Variants in APBB2 observed in about 807,000 individuals in gnomAD.
APBB2 encodes Fe65-like 1.
In APBB2, 38 loss-of-function variants were observed where a neutral mutation model predicts 82.5. The observed-to-expected ratio is 0.46, with a 90% confidence interval of 0.36 to 0.60. APBB2 has a LOEUF of 0.60. APBB2 is among the 20% of genes least tolerant of loss of function. The probability of loss-of-function intolerance (pLI) is 0.00; values close to 1 mark genes in which losing one functional copy is unlikely to be tolerated. For synonymous variants in APBB2, 341 were observed against 368.2 expected, an observed-to-expected ratio of 0.93 and a Z score of 0.85; for missense variants, 772 against 972.3, an observed-to-expected ratio of 0.79 and a Z score of 2.74.
chr4:40,928,768 C>A (rs561775038), intron 10 of APBB2, among the ~76,000 whole-genome samples: 1 of 150,506 alleles, frequency 6.6e-6, no homozygotes, highest in African/African-American at 2.5e-5. Context: ...ACCTCTAATC[C>A]CAGCTACTCG....
At chr4:41,144,583 T>G (rs559709784) in intron 1 of APBB2, among the ~76,000 whole-genome samples, 6 of 152,372 alleles carry the variant, frequency 3.9e-5, no homozygotes, top group African/African-American at 7.2e-5. Flanking sequence ...TCGGTCTGCC[T>G]CTTATCTGAA....
intron 6 of APBB2, among the ~76,000 whole-genome samples, chr4:40,964,776 A>ACACACACACACACACACACAC (rs1553884405): frequency 5.2e-4 from 79 of 150,600 alleles, no homozygotes; most frequent in African/African-American, 1.8e-3. Flanking sequence ...ACACACACAC[A>ACACACACACACACACACACAC]ACAATGCACA....
intron 1 of APBB2, among the ~76,000 whole-genome samples, chr4:41,201,096 G>A (rs914754989): frequency 2.0e-5 from 3 of 152,144 alleles, no homozygotes; most frequent in African/African-American, 7.2e-5. Context: ...CACAGTGACA[G>A]TTGCCTTATA....
chr4:40,850,921 G>A (rs1442417302), intron 12 of APBB2, among the ~76,000 whole-genome samples: 1 of 152,068 alleles, frequency 6.6e-6, no homozygotes, highest in East Asian at 1.9e-4. Flanking sequence ...ACTCCAGCCT[G>A]GGTAACTGAG....
At position 40,825,908 on chromosome 4, in the gene APBB2, A is replaced by G; in HGVS notation, c.1795T>C (p.Leu599=). 1 of 1,614,132 alleles carries G rather than the reference A, an allele frequency of 6.2e-7. No individual in the cohort carries two copies. Among genetic ancestry groups the G allele is most frequent in the Non-Finnish European group, 8.5e-7 (1 of 1,179,964 alleles). The change falls in exon 15 of 18, where the codon TTA becomes CTA. Residue 599 remains leucine, a synonymous_variant. Coordinates refer to ENST00000508593, the MANE Select transcript of APBB2 (RefSeq NM_004307.2). ...ATACCGACTGGTTTGTCTACAGGTA[A>G]CATGCCCAAGTACTGCACGTGGAAC... ...QKFHVQYLGM[L]PVDKPVGMDI...
rs1342426866 is a variant in APBB2, at chr4:41,160,232, T to C, written c.-416-17090A>G. Among the ~76,000 whole-genome samples the C allele has an allele frequency of 4.6e-5, 7 of 152,020 alleles. 1 individual carries two copies. On this transcript the variant is annotated intron_variant, in intron 1 of 17. Coordinates refer to ENST00000508593, the MANE Select transcript of APBB2 (RefSeq NM_004307.2). Reference sequence around the variant, plus strand: ...GGCCTGGACAGGGAAGACAAGGGCCTGGGATCAGCAGGACTTGGAAAGGAA... The same window carrying C: ...GGCCTGGACAGGGAAGACAAGGGCCCGGGATCAGCAGGACTTGGAAAGGAA...
At chr4:41,142,558 C>A (rs1361904185) in intron 2 of APBB2, among the ~76,000 whole-genome samples, 5 of 152,154 alleles carry the variant, frequency 3.3e-5, no homozygotes, top group African/African-American at 9.7e-5. Context: ...TCTCCATGCC[C>A]CACCCTTCAA....
intron 5 of APBB2, among the ~76,000 whole-genome samples, chr4:41,016,800 C>T (rs1810094892): frequency 6.6e-6 from 1 of 151,878 alleles, no homozygotes; most frequent in African/African-American, 2.4e-5. Context: ...AGAAAAGGAC[C>T]ATCCAATACA....
At chr4:40,911,401 A>G (rs558592017) in intron 10 of APBB2, among the ~76,000 whole-genome samples, 183 of 152,326 alleles carry the variant, frequency 1.2e-3, no homozygotes, top group African/African-American at 4.4e-3. Context: ...GGTACCTGGT[A>G]AGCATACAAT....
intron 1 of APBB2, among the ~76,000 whole-genome samples, chr4:41,184,515 T>A (rs1308729595): frequency 6.6e-6 from 1 of 152,148 alleles, no homozygotes; most frequent in African/African-American, 2.4e-5. Flanking sequence ...AGCCCTTAAT[T>A]CCTTTAGACC....
intron 10 of APBB2, among the ~76,000 whole-genome samples, chr4:40,910,350 A>G (rs1560873132): frequency 6.6e-6 from 1 of 151,762 alleles, no homozygotes; most frequent in Non-Finnish European, 1.5e-5. Flanking sequence ...TGATCCTCCA[A>G]CCTCAGCCTC....
rs559449422 is a variant in APBB2 at position 40,881,779 on chromosome 4, C to A, written c.1529+8585G>T. ...AAACTCCTGGCCTCAAGTGATCCGC[C>A]TGCCTCGGCCTCCCAAAGTGCTGGG... is the stretch of plus-strand genomic sequence containing the variant. On this transcript the variant is annotated intron_variant, in intron 12 of 17. Coordinates refer to ENST00000508593, the MANE Select transcript of APBB2 (RefSeq NM_004307.2). 4.6e-5 allele frequency among the ~76,000 whole-genome samples: 7 copies of A among 152,106 alleles called. No homozygotes were observed. The East Asian group carries it at 1.4e-3, about 29-fold the overall frequency.
intron 12 of APBB2, among the ~76,000 whole-genome samples, chr4:40,887,366 C>T (rs527331962): frequency 7.2e-5 from 11 of 152,212 alleles, no homozygotes; most frequent in Non-Finnish European, 1.0e-4. Context: ...TTCTCTTATT[C>T]ATTTTAACCA....
At chr4:40,856,449 T>C (rs1409687780) in intron 12 of APBB2, among the ~76,000 whole-genome samples, 2 of 152,240 alleles carry the variant, frequency 1.3e-5, no homozygotes, top group Admixed American at 6.5e-5. Flanking sequence ...TTTGGGGAAT[T>C]TGAGATATTT....
chr4:40,912,712 G>A (rs1055473379), intron 10 of APBB2, among the ~76,000 whole-genome samples: 1 of 152,166 alleles, frequency 6.6e-6, no homozygotes, highest in Non-Finnish European at 1.5e-5. Context: ...TCTGCTGCTG[G>A]AGATGCTCAA....
intron 3 of APBB2, among the ~76,000 whole-genome samples, chr4:41,079,597 G>A (rs1736830588): frequency 6.8e-6 from 1 of 148,024 alleles, no homozygotes; most frequent in Non-Finnish European, 1.5e-5. Context: ...TCGCCAGGCT[G>A]GAGTGCAGTG....
At chr4:41,098,084 T>C (rs1033773997) in intron 3 of APBB2, among the ~76,000 whole-genome samples, 1 of 151,692 alleles carries the variant, frequency 6.6e-6, no homozygotes, top group Non-Finnish European at 1.5e-5. Flanking sequence ...TTATGTGCAG[T>C]ACACTTCTGC....
chr4:40,961,566 G>A (rs1010588074), intron 6 of APBB2, among the ~76,000 whole-genome samples: 1 of 149,228 alleles, frequency 6.7e-6, no homozygotes, highest in Non-Finnish European at 1.5e-5. Context: ...AGTGGGTGCA[G>A]CGCACCAGCG....
intron 5 of APBB2, among the ~76,000 whole-genome samples, chr4:41,031,782 A>G (rs1716927232): frequency 6.6e-6 from 1 of 152,236 alleles, no homozygotes; most frequent in South Asian, 2.1e-4. Context: ...TATGATTTTA[A>G]AAGTTAAAGG....
Sources: gnomAD v4.1 joint callset for allele counts (sites outside exome capture counted in the v4.1 genomes callset) on GRCh38, gnomAD v4.1.1 for gene constraint, MANE v1.5 for transcripts, NCBI Gene and HGNC (gene_info 2026-07-23, HGNC 2026-07-21) for gene names.